Variants in RBFOX1 observed in about 807,000 individuals in gnomAD.
RBFOX1 encodes the protein RNA binding protein fox-1 homolog 1.
In RBFOX1, 8 loss-of-function variants were observed where a neutral mutation model predicts 57.7. The observed-to-expected ratio is 0.14, with a 90% CI of 0.08 to 0.25. The LOEUF is 0.25. Ranked by LOEUF, RBFOX1 falls within the 10% of genes least tolerant of loss-of-function variation. The pLI is 1.00. For missense variants in RBFOX1, 611 were observed against 548.5 expected, an observed-to-expected ratio of 1.11 and a Z score of -1.14; for synonymous variants, 326 against 222.4, an observed-to-expected ratio of 1.47 and a Z score of -4.15.
chr16:6,813,335 A>G (rs1057221770), intron 3 of RBFOX1, among the ~76,000 whole-genome samples: 4 of 152,170 alleles, frequency 2.6e-5, no homozygotes, highest in Admixed American at 6.5e-5. Context: ...AGTTGACCAC[A>G]TTCATGTAAC....
chr16:7,524,165 C>T (rs2078148377), intron 5 of RBFOX1, among the ~76,000 whole-genome samples: 1 of 152,138 alleles, frequency 6.6e-6, no homozygotes, highest in Non-Finnish European at 1.5e-5. Context: ...AAACTAAGTA[C>T]TTTTGGGTAA....
chr16:7,701,935 G>A (rs1010806256), intron 14 of RBFOX1, among the ~76,000 whole-genome samples: 1 of 152,164 alleles, frequency 6.6e-6, no homozygotes, highest in Non-Finnish European at 1.5e-5. Flanking sequence ...GCAAACCAGG[G>A]TGCATGGCCT....
intron 3 of RBFOX1, among the ~76,000 whole-genome samples, chr16:6,969,110 A>G (rs917855450): frequency 2.6e-5 from 4 of 152,096 alleles, no homozygotes; most frequent in African/African-American, 9.7e-5. Context: ...TGCATTGGTT[A>G]AGAGTACTGC....
chr16:5,605,900 T>C (rs1385132032), intron 3 of RBFOX1, among the ~76,000 whole-genome samples: 2 of 152,150 alleles, frequency 1.3e-5, no homozygotes, highest in Non-Finnish European at 2.9e-5. Context: ...TCCAGGTGTC[T>C]CATAGAGACT....
At chr16:6,343,783 T>C (rs1368049149) in intron 2 of RBFOX1, among the ~76,000 whole-genome samples, 1 of 152,234 alleles carries the variant, frequency 6.6e-6, no homozygotes, top group Non-Finnish European at 1.5e-5. Flanking sequence ...TCAGTCATTT[T>C]GGGGGATTAA....
intron 3 of RBFOX1, among the ~76,000 whole-genome samples, chr16:6,840,217 A>G (rs541348809): frequency 6.6e-6 from 1 of 152,260 alleles, no homozygotes; most frequent in African/African-American, 2.4e-5. Flanking sequence ...GACTAAAAAG[A>G]GGTCTTTCTT....
At chr16:7,324,541 C>G (rs550862145) in intron 4 of RBFOX1, among the ~76,000 whole-genome samples, 6 of 152,290 alleles carry the variant, frequency 3.9e-5, no homozygotes, top group South Asian at 4.1e-4. Flanking sequence ...GGTCAGAGGT[C>G]GGTTCCTGAG....
At chr16:7,398,098 T>A (rs1481842934) in intron 4 of RBFOX1, among the ~76,000 whole-genome samples, 1 of 152,134 alleles carries the variant, frequency 6.6e-6, no homozygotes, top group African/African-American at 2.4e-5. Flanking sequence ...CATGAGTAAT[T>A]GATAAAGAAT....
chr16:7,130,242 C>G (rs142102453), intron 4 of RBFOX1, among the ~76,000 whole-genome samples: 26 of 152,098 alleles, frequency 1.7e-4, no homozygotes, highest in African/African-American at 5.1e-4. Context: ...CCATATTTGG[C>G]CAGGCTGGTC....
intron 3 of RBFOX1, among the ~76,000 whole-genome samples, chr16:7,011,216 C>T (rs1426238708): frequency 6.6e-6 from 1 of 152,112 alleles, no homozygotes; most frequent in Non-Finnish European, 1.5e-5. Flanking sequence ...AGTCCTCATA[C>T]CATTCCAGGG....
rs761499119 is a variant in RBFOX1 at position 5,492,910 on chromosome 16, C to T, written c.258+25656C>T. Among the ~76,000 whole-genome samples, 43 of 152,310 alleles carry T rather than the reference C, an allele frequency of 2.8e-4. No individual in the cohort carries two copies. In the Middle Eastern group the frequency reaches 0.017, roughly 60 times the overall value. ...ATCTGACTATGATGTTCTTCGTATT[C>T]GTTGTGGAATCCTGTTCACTTCTTT... On this transcript the variant is annotated intron_variant, in intron 2 of 2. Coordinates refer to the RBFOX1 transcript ENST00000585867.
At chr16:6,549,146 G>A (rs1220406219) in intron 2 of RBFOX1, among the ~76,000 whole-genome samples, 1 of 20,288 alleles carries the variant, frequency 4.9e-5, no homozygotes, top group Non-Finnish European at 9.1e-5. Context: ...GAGGAGGAGG[G>A]AAGGAGGAGG....
intron 4 of RBFOX1, among the ~76,000 whole-genome samples, chr16:7,215,787 T>G (rs34524300): frequency 6.7e-6 from 1 of 148,466 alleles, no homozygotes; most frequent in South Asian, 2.1e-4. Context: ...TGCAGTGGCG[T>G]GATCTCGGCT....
rs2054699347 is a variant in RBFOX1 at position 5,791,590 on chromosome 16, C to T, written c.319-75713C>T. ...GGTGAATGGGTGACTCTCCAGGTTCCAGGAACAAGGGGTCTTAAGTTACTT... is the reference window on the plus strand; with the variant it reads ...GGTGAATGGGTGACTCTCCAGGTTCTAGGAACAAGGGGTCTTAAGTTACTT... On this transcript the variant is annotated intron_variant, in intron 3 of 19. Coordinates refer to the RBFOX1 transcript ENST00000641259. Among the ~76,000 whole-genome samples the T allele has an allele frequency of 2.0e-5, 3 of 152,116 alleles. 1 individual carries two copies. The highest frequency in any genetic ancestry group is 7.2e-5 in the African/African-American group (3 of 41,428).
intron 5 of RBFOX1, among the ~76,000 whole-genome samples, chr16:7,554,333 C>G (rs994730177): frequency 2.0e-5 from 3 of 152,196 alleles, no homozygotes; most frequent in Non-Finnish European, 2.9e-5. Context: ...ATTATTTTAT[C>G]CTTACAGCAA....
intron 3 of RBFOX1, among the ~76,000 whole-genome samples, chr16:6,880,420 C>G (rs2062702479): frequency 6.6e-6 from 1 of 152,094 alleles, no homozygotes; most frequent in African/African-American, 2.4e-5. Flanking sequence ...AACATGTGAC[C>G]CAGGTGCAGC....
intron 2 of RBFOX1, among the ~76,000 whole-genome samples, chr16:6,525,762 C>A (rs1172582337): frequency 1.3e-5 from 2 of 151,988 alleles, no homozygotes; most frequent in African/African-American, 2.4e-5. Flanking sequence ...TTACTATTGT[C>A]TCCAGCAATT....
chr16:6,281,868 G>T (rs1231099725), intron 1 of RBFOX1, among the ~76,000 whole-genome samples: 1 of 152,062 alleles, frequency 6.6e-6, no homozygotes, highest in Non-Finnish European at 1.5e-5. Context: ...CTTGATCCAG[G>T]TTGGAACCCA....
intron 1 of RBFOX1, among the ~76,000 whole-genome samples, chr16:6,094,412 C>T (rs1434629442): frequency 6.6e-6 from 1 of 152,148 alleles, no homozygotes; most frequent in Non-Finnish European, 1.5e-5. Context: ...CTATGTAAAA[C>T]CTAAAACGCT....
Sources: allele counts gnomAD v4.1 joint callset (sites outside exome capture counted in the v4.1 genomes callset), GRCh38; gene constraint gnomAD v4.1.1; transcripts MANE v1.5; gene names NCBI Gene and HGNC (gene_info 2026-07-23, HGNC 2026-07-21).